The following LIPA variants were observed in gnomAD, a reference collection of about 807,000 sequenced individuals.
LIPA encodes the protein lysosomal acid lipase/cholesteryl ester hydrolase.
Under a neutral mutation model 40.6 loss-of-function variants are expected in LIPA, and 26 were observed. The observed-to-expected ratio is 0.64, with a 90% CI of 0.47 to 0.89. LIPA has a LOEUF of 0.89. Ranked by LOEUF, LIPA falls within the 40% of genes least tolerant of loss-of-function variation. LIPA has a pLI of 0.00. For missense variants in LIPA, 455 were observed against 479.6 expected, an observed-to-expected ratio of 0.95 and a Z score of 0.48; for synonymous variants, 188 against 168.4, an observed-to-expected ratio of 1.12 and a Z score of -0.90.
chr10:89,353,844 G>A (rs1232542535), intron 2 of LIPA, among the ~76,000 whole-genome samples: 1 of 152,106 alleles, frequency 6.6e-6, no homozygotes, highest in East Asian at 1.9e-4. Flanking sequence ...GGGAGGCTGA[G>A]GCAGGAGAAT....
chr10:89,246,759 C>T (rs960726165), intron 2 of LIPA, among the ~76,000 whole-genome samples: 4 of 152,030 alleles, frequency 2.6e-5, no homozygotes, highest in Non-Finnish European at 4.4e-5. Flanking sequence ...TTTAATTAGT[C>T]GAGTGGTTAT....
chr10:89,247,379 CAAAAAAAAAAAAAAAA>C (rs71022556), intron 2 of LIPA, among the ~76,000 whole-genome samples, 143 bp downstream of exon 2: 2 of 75,448 alleles, frequency 2.7e-5, no homozygotes, highest in Non-Finnish European at 4.8e-5. Flanking sequence ...GACTCTGCCT[CAAAAAAAAAAAAAAAA>C]AAAAAAAAAA....
At chr10:89,267,359 GA>G (rs1333236882) in intron 1 of LIPA, among the ~76,000 whole-genome samples, 2 of 152,166 alleles carry the variant, frequency 1.3e-5, no homozygotes, top group Non-Finnish European at 2.9e-5. Flanking sequence ...AAGTCTCACA[GA>G]AGCTTCCCTG....
At chr10:89,305,079 A>T (rs1399848877) in intron 1 of LIPA, among the ~76,000 whole-genome samples, 1 of 152,104 alleles carries the variant, frequency 6.6e-6, no homozygotes, top group Non-Finnish European at 1.5e-5. Context: ...CACCAGTTTA[A>T]GAAATAGAGG....
intron 1 of LIPA, among the ~76,000 whole-genome samples, chr10:89,251,140 C>A (rs955041596): frequency 6.6e-6 from 1 of 152,214 alleles, no homozygotes; most frequent in African/African-American, 2.4e-5. Context: ...CGCCAGCCAC[C>A]GCAGGCAGCG....
intron 8 of LIPA, among the ~76,000 whole-genome samples, chr10:89,219,760 A>G (rs1842673321): frequency 6.6e-6 from 1 of 152,204 alleles, no homozygotes; most frequent in Non-Finnish European, 1.5e-5. Flanking sequence ...AGCCCAGAGG[A>G]GGGAAAGCCA....
intron 2 of LIPA, chr10:89,384,826 A>C: frequency 1.7e-6 from 2 of 1,205,228 alleles, no homozygotes; most frequent in Non-Finnish European, 2.3e-6. Flanking sequence ...AGCTGTTGGA[A>C]ATTTACCTTA....
intron 1 of LIPA, among the ~76,000 whole-genome samples, chr10:89,319,776 C>A (rs914977902): frequency 1.3e-5 from 2 of 152,166 alleles, no homozygotes; most frequent in Non-Finnish European, 2.9e-5. Flanking sequence ...GAATATCAGG[C>A]CAATACCCCT....
intron 2 of LIPA, among the ~76,000 whole-genome samples, chr10:89,381,588 T>C (rs1791857251): frequency 6.6e-6 from 1 of 152,100 alleles, no homozygotes; most frequent in Admixed American, 6.5e-5. Flanking sequence ...TGGGCAGGAA[T>C]GCACTCAAGG....
chr10:89,299,098 G>T (rs984077226), intron 1 of LIPA, among the ~76,000 whole-genome samples: 9 of 151,358 alleles, frequency 5.9e-5, no homozygotes, highest in African/African-American at 2.2e-4. Context: ...CACAGAAATC[G>T]GAGAAACAAT....
At chr10:89,235,224 A>C (rs1035495163) in intron 3 of LIPA, among the ~76,000 whole-genome samples, 1 of 152,254 alleles carries the variant, frequency 6.6e-6, no homozygotes, top group African/African-American at 2.4e-5. Context: ...CAGCCTGCTC[A>C]ATGCACTCAG....
chr10:89,330,044 C>T (rs989144937), intron 1 of LIPA, among the ~76,000 whole-genome samples: 2 of 152,078 alleles, frequency 1.3e-5, no homozygotes, highest in African/African-American at 4.8e-5. Context: ...ATAATGTCAT[C>T]GGTTAAGGCA....
chr10:89,403,086 CTT>C, intron 2 of LIPA: 1 of 1,614,186 alleles, frequency 6.2e-7, no homozygotes, highest in Non-Finnish European at 8.5e-7. Flanking sequence ...GGATAAAGCT[CTT>C]GAGTTATTAA....
At chr10:89,257,906 T>C (rs1843188896) in intron 1 of LIPA, among the ~76,000 whole-genome samples, 2 of 152,154 alleles carry the variant, frequency 1.3e-5, no homozygotes, top group Admixed American at 6.5e-5. Context: ...TGCTAGACCA[T>C]AGTTTAGTGG....
Position 89,250,107 on chromosome 10 carries a change from C to CTTTCTTTT in LIPA, c.-2+1629_-2+1630insAAAAGAAA, listed in dbSNP as rs573748456. ...TTTTTCTTTTTCTTTTCTTTTCTTT[C>CTTTCTTTT]TTTTTTTTTTTTGAGACAGTCTTGC... On this transcript the variant is annotated intron_variant, in intron 1 of 9. Coordinates refer to ENST00000336233, the MANE Select transcript of LIPA (RefSeq NM_000235.4). 5.2e-5 allele frequency among the ~76,000 whole-genome samples: 5 copies of CTTTCTTTT among 96,074 alleles called. 1 individual carries two copies. The highest frequency in any genetic ancestry group is 4.6e-4 in the South Asian group (1 of 2,152). The allele number at this position is 96,074 out of a possible 152,430, so 63.0% of individuals were successfully genotyped here. A position where few individuals can be genotyped will look rare whatever the true frequency, so the allele number is the denominator to read the frequency against.
chr10:89,249,865 A>G (rs1307728388), intron 1 of LIPA, among the ~76,000 whole-genome samples: 1 of 152,202 alleles, frequency 6.6e-6, no homozygotes. Flanking sequence ...CAATTGTACA[A>G]TTGAAATATG....
intron 9 of LIPA, among the ~76,000 whole-genome samples, 177 bp from the exon 10 acceptor site, chr10:89,215,238 T>TAACCCC (rs1842609666): frequency 6.6e-6 from 1 of 152,228 alleles, no homozygotes; most frequent in Non-Finnish European, 1.5e-5. Context: ...AAAAGAAATC[T>TAACCCC]AACCCCAAAT....
At chr10:89,266,719 C>G (rs1179359563) in intron 1 of LIPA, among the ~76,000 whole-genome samples, 1 of 152,168 alleles carries the variant, frequency 6.6e-6, no homozygotes, top group Non-Finnish European at 1.5e-5. Context: ...TTCCATTTCC[C>G]AGTTTCTAAT....
rs559976963 is a variant in LIPA, at chr10:89,322,579, C to T, written c.-2+20032G>A. Among the ~76,000 whole-genome samples, 84 of 145,950 alleles carry T rather than the reference C, an allele frequency of 5.8e-4. 3 individuals are homozygous for T. The South Asian group carries it at 8.9e-3, about 16-fold the overall frequency. On this transcript the variant is annotated intron_variant, in intron 1 of 5. Transcript: ENST00000282673. ...AACCCCTGCCCACCCCCGACCCCAC[C>T]ACCGTGCTTCTAGACTGAGGCAGAG... is the stretch of plus-strand genomic sequence containing the variant.
Sources: gnomAD v4.1 joint callset for allele counts (sites outside exome capture counted in the v4.1 genomes callset) on GRCh38, gnomAD v4.1.1 for gene constraint, MANE v1.5 for transcripts, NCBI Gene and HGNC (gene_info 2026-07-23, HGNC 2026-07-21) for gene names.